RFTN1: variants seen among roughly 807,000 people sequenced by gnomAD.
The protein encoded by RFTN1 is raftlin, lipid raft linker 1.
Under a neutral mutation model 46.5 loss-of-function variants are expected in RFTN1, and 26 were observed. The ratio of observed to expected loss-of-function variants is 0.56; its 90% confidence interval spans 0.41 to 0.78. The LOEUF (loss-of-function observed/expected upper bound fraction) is 0.78, where lower values mean the gene tolerates loss of function less well. Among genes scored for constraint, RFTN1 ranks in the 30% least tolerant of loss-of-function variants. The probability of loss-of-function intolerance (pLI) is 0.00; values close to 1 mark genes in which losing one functional copy is unlikely to be tolerated. For synonymous variants in RFTN1, 261 were observed against 284.2 expected (o/e 0.92, Z 0.82); for missense variants, 693 against 718.7 (o/e 0.96, Z 0.41).
chr3:16,372,264 A>T (rs73041420), intron 5 of RFTN1, among the ~76,000 whole-genome samples: 9,387 of 152,254 alleles, frequency 0.062, 488 homozygotes, highest in African/African-American at 0.14. Flanking sequence ...CTAGGGCTCA[A>T]TCCCAACAAG....
In RFTN1 at chr3:16,475,013, G is replaced by A. The variant is rs2076258507; in HGVS notation, c.145+18712C>T. ...AGTGGGAGGTGTTTGGGTCATAGGG[G>A]CGGATCCCTCACGAAAGGCTTGCTG... On this transcript the variant is annotated intron_variant, in intron 2 of 9. Transcript: ENST00000334133. The surrounding 1 kb of genome is among the most constrained non-coding windows in gnomAD (Gnocchi z 4.2). 6.6e-6 allele frequency among the ~76,000 whole-genome samples: 1 copy of A among 152,220 alleles called. No homozygotes were observed. Among genetic ancestry groups the A allele is most frequent in the African/African-American group, 2.4e-5 (1 of 41,456 alleles).
At position 16,383,167 on chromosome 3, in the gene RFTN1, C is replaced by T. The variant is rs556344150; in HGVS notation, c.442-5065G>A. 5.9e-5 allele frequency among the ~76,000 whole-genome samples: 9 copies of T among 152,282 alleles called. No individual in the cohort carries two copies. The South Asian group carries it at 1.9e-3, about 32-fold the overall frequency. On this transcript the variant is annotated intron_variant, in intron 4 of 9. Coordinates refer to ENST00000334133, the MANE Select transcript of RFTN1 (RefSeq NM_015150.2). The surrounding 1 kb of genome is among the most constrained non-coding windows in gnomAD (Gnocchi z 4.0). ...TGGCTTTCGCTCTGAGTATCCTAAG[C>T]CCAACCTGATGCCTCTTCAACGATA...
Position 16,426,660 on chromosome 3 carries a change from CGT to C in RFTN1, c.332+7189_332+7190del, listed in dbSNP as rs34705903. ...ACTGTTATTTTGGCAATGAAAGGAT[CGT>C]GTGTGTGTGTGTGTGTGTGTGTGTG... On this transcript the variant is annotated intron_variant, in intron 3 of 9. Transcript: ENST00000334133. This position sits in a 1 kb window ranked among gnomAD's most constrained non-coding sequence, Gnocchi z 5.9. Among the ~76,000 whole-genome samples the C allele has an allele frequency of 0.021, 2,935 of 142,056 alleles. 26 individuals are homozygous for C. Among genetic ancestry groups the C allele is most frequent in the East Asian group, 0.035 (170 of 4,886 alleles). 93.2% of individuals were successfully genotyped at this position (142,056 alleles called of 152,430 possible). A position where few individuals can be genotyped will look rare whatever the true frequency, so the allele number is the denominator to read the frequency against.
intron 7 of RFTN1, among the ~76,000 whole-genome samples, chr3:16,357,359 A>C (rs368222255): frequency 1.3e-5 from 2 of 152,206 alleles, no homozygotes; most frequent in Non-Finnish European, 2.9e-5. Context: ...CCCTTCCCAC[A>C]GCAATTTGGT....
intron 3 of RFTN1, 103 bp from the exon 4 acceptor site, chr3:16,409,586 C>G (rs973977221): frequency 1.4e-6 from 1 of 709,486 alleles, no homozygotes; most frequent in Admixed American, 2.1e-5. Flanking sequence ...GACGCGATCT[C>G]GGCTCACTGC....
intron 4 of RFTN1, among the ~76,000 whole-genome samples, chr3:16,395,154 T>C (rs1456186901): frequency 6.6e-6 from 1 of 152,250 alleles, no homozygotes; most frequent in Admixed American, 6.5e-5. Flanking sequence ...AATATATTCC[T>C]CAAATGTTAT....
At position 16,341,071 on chromosome 3, in the gene RFTN1, A is replaced by C. The variant is rs181580530; in HGVS notation, c.1147-14195T>G. ...AGCATATAAAAAGATGCTCAACATC[A>C]TATGTCATTAGGGAAATGCAAATAA... On this transcript the variant is annotated intron_variant, in intron 7 of 9. Coordinates refer to ENST00000334133, the MANE Select transcript of RFTN1 (RefSeq NM_015150.2). The surrounding 1 kb of genome is among the most constrained non-coding windows in gnomAD (Gnocchi z 4.7). 3.9e-5 allele frequency among the ~76,000 whole-genome samples: 6 copies of C among 152,388 alleles called. No homozygotes were observed. The East Asian group carries it at 1.2e-3, about 29-fold the overall frequency.
intron 3 of RFTN1, 53 bp from the exon 4 acceptor site, chr3:16,409,536 G>T: frequency 7.8e-7 from 1 of 1,285,570 alleles, no homozygotes; most frequent in Non-Finnish European, 1.1e-6. Context: ...TGCATAATTT[G>T]GAGACAGTCT....
At position 16,317,839 on chromosome 3, in the gene RFTN1, C is replaced by T. The variant is rs1229185157; in HGVS notation, c.1333-607G>A. ...CAGGGCAACCTACAACCAATGACTG[C>T]CCCAGGTGGGATACAACAACCCATT... On this transcript the variant is annotated intron_variant, in intron 9 of 9. Coordinates refer to ENST00000334133, the MANE Select transcript of RFTN1 (RefSeq NM_015150.2). This position sits in a 1 kb window ranked among gnomAD's most constrained non-coding sequence, Gnocchi z 4.3. Among the ~76,000 whole-genome samples the T allele has an allele frequency of 6.6e-6, 1 of 152,198 alleles. No individual in the cohort carries two copies. Among genetic ancestry groups the T allele is most frequent in the African/African-American group, 2.4e-5 (1 of 41,438 alleles).
intron 3 of RFTN1, among the ~76,000 whole-genome samples, chr3:16,423,298 T>C (rs972348544): frequency 2.6e-5 from 4 of 151,520 alleles, no homozygotes; most frequent in African/African-American, 4.9e-5. Context: ...GGATGGGGGG[T>C]TTGCTGGTAG....
rs890418063 is a variant in RFTN1 at position 16,489,355 on chromosome 3, T to C, written c.145+4370A>G. ...ATTATTTGAACCCAGGAGGTGAAGATTGCAGTGAGCCGAGATTGCACCACC... is the reference window on the plus strand; with the variant it reads ...ATTATTTGAACCCAGGAGGTGAAGACTGCAGTGAGCCGAGATTGCACCACC... On this transcript the variant is annotated intron_variant, in intron 2 of 9. Transcript: ENST00000334133. The surrounding 1 kb of genome is among the most constrained non-coding windows in gnomAD (Gnocchi z 4.0). Among the ~76,000 whole-genome samples, 10 of 152,128 alleles carry C rather than the reference T, an allele frequency of 6.6e-5. No individual in the cohort carries two copies. The highest frequency in any genetic ancestry group is 4.6e-4 in the Admixed American group (7 of 15,278).
At chr3:16,401,883 G>A (rs944094145) in intron 4 of RFTN1, among the ~76,000 whole-genome samples, 20 of 152,186 alleles carry the variant, frequency 1.3e-4, no homozygotes, top group Admixed American at 7.2e-4. Context: ...ATCAGAGAGC[G>A]GAGGCTCAGT....
intron 2 of RFTN1, among the ~76,000 whole-genome samples, chr3:16,467,096 G>C (rs921690279): frequency 2.3e-4 from 35 of 152,186 alleles, no homozygotes; most frequent in African/African-American, 8.2e-4. Flanking sequence ...AACAAAAAGG[G>C]GGGTGAGGGT....
At chr3:16,441,233 A>G (rs910408567) in intron 2 of RFTN1, among the ~76,000 whole-genome samples, 3 of 151,622 alleles carry the variant, frequency 2.0e-5, no homozygotes, top group African/African-American at 7.3e-5. Flanking sequence ...GTCTTTTGAA[A>G]TAAGTGTTTT....
intron 1 of RFTN1, among the ~76,000 whole-genome samples, chr3:16,494,728 T>C (rs1181244883): frequency 6.6e-6 from 1 of 152,212 alleles, no homozygotes; most frequent in Admixed American, 6.5e-5. Flanking sequence ...AGAATGACTT[T>C]CACGAAATAG....
Position 16,320,721 on chromosome 3 carries a change from G to C in RFTN1, c.1332+2655C>G, listed in dbSNP as rs1198669739. ...AGAAAGGAGGAGAATGTCCTTGGCAGAGGGGACACGGAAGAACTGGAGGCC... is the reference window on the plus strand; with the variant it reads ...AGAAAGGAGGAGAATGTCCTTGGCACAGGGGACACGGAAGAACTGGAGGCC... On this transcript the variant is annotated intron_variant, in intron 9 of 9. Coordinates refer to ENST00000334133, the MANE Select transcript of RFTN1 (RefSeq NM_015150.2). The surrounding 1 kb of genome is among the most constrained non-coding windows in gnomAD (Gnocchi z 4.5). 6.6e-6 allele frequency among the ~76,000 whole-genome samples: 1 copy of C among 152,252 alleles called. No homozygotes were observed. The highest frequency in any genetic ancestry group is 1.5e-5 in the Non-Finnish European group (1 of 68,038).
intron 6 of RFTN1, among the ~76,000 whole-genome samples, chr3:16,364,719 T>C (rs1050132412): frequency 6.6e-6 from 1 of 152,218 alleles, no homozygotes; most frequent in Non-Finnish European, 1.5e-5. Context: ...AGCTGTGTAT[T>C]TGACACAATG....
intron 4 of RFTN1, among the ~76,000 whole-genome samples, chr3:16,406,504 A>G (rs1229271381): frequency 6.6e-6 from 1 of 152,210 alleles, no homozygotes; most frequent in Non-Finnish European, 1.5e-5. Flanking sequence ...AGACATCTGG[A>G]GACACTGCGG....
chr3:16,439,421 C>T (rs566580158), intron 2 of RFTN1, among the ~76,000 whole-genome samples: 13 of 152,280 alleles, frequency 8.5e-5, no homozygotes, highest in African/African-American at 3.1e-4. Flanking sequence ...ATTATGTAAC[C>T]TTGGGCAAGC....
Sources: gnomAD v4.1 joint callset for allele counts (sites outside exome capture counted in the v4.1 genomes callset) on GRCh38, gnomAD v4.1.1 for gene constraint, Gnocchi (gnomAD v3.1) non-coding constraint, MANE v1.5 for transcripts, NCBI Gene and HGNC (gene_info 2026-07-23, HGNC 2026-07-21) for gene names.